The following NRXN3 variants were observed in gnomAD, a reference collection of about 807,000 sequenced individuals.
NRXN3 encodes the protein neurexin 3.
Under a neutral mutation model 137.6 loss-of-function variants are expected in NRXN3, and 32 were observed. The ratio of observed to expected loss-of-function variants is 0.23; its 90% CI spans 0.18 to 0.31. NRXN3 has a LOEUF of 0.31. Ranked by LOEUF, NRXN3 falls within the 10% of genes least tolerant of loss-of-function variation. The pLI is 1.00. For missense variants in NRXN3, 1,574 were observed against 2,062.5 expected (o/e 0.76, Z 4.59); for synonymous variants, 798 against 784.5 (o/e 1.02, Z -0.29).
chr14:79,757,707 G>A (rs535107050), intron 19 of NRXN3, among the ~76,000 whole-genome samples: 1 of 152,142 alleles, frequency 6.6e-6, no homozygotes, highest in Non-Finnish European at 1.5e-5. Flanking sequence ...CTGCCGCTAA[G>A]CTGTAGTATG....
chr14:78,365,616 A>G (rs770358020), intron 4 of NRXN3, among the ~76,000 whole-genome samples: 1 of 152,244 alleles, frequency 6.6e-6, no homozygotes, highest in Non-Finnish European at 1.5e-5. Context: ...CAGTAGGTAA[A>G]GAAAAACTGT....
intron 15 of NRXN3, among the ~76,000 whole-genome samples, chr14:79,055,276 T>C (rs986335652): frequency 6.6e-6 from 1 of 152,230 alleles, no homozygotes; most frequent in African/African-American, 2.4e-5. Flanking sequence ...CAGTTGTTAT[T>C]CATTGAACAC....
intron 15 of NRXN3, among the ~76,000 whole-genome samples, chr14:79,070,928 G>A (rs1176578933): frequency 1.3e-5 from 2 of 152,158 alleles, no homozygotes; most frequent in African/African-American, 4.8e-5. Context: ...TGTAGTTTGG[G>A]TCGCAGTTTA....
At chr14:78,776,504 T>C (rs1475001872) in intron 8 of NRXN3, among the ~76,000 whole-genome samples, 3 of 152,188 alleles carry the variant, frequency 2.0e-5, no homozygotes, top group Non-Finnish European at 4.4e-5. Context: ...TATAGGTCAG[T>C]GTGGCATTAT....
At chr14:79,279,973 G>C in intron 15 of NRXN3, 1 of 1,153,140 alleles carries the variant, frequency 8.7e-7, no homozygotes, top group Non-Finnish European at 1.1e-6. Context: ...TCCGGAGGAA[G>C]CCGCGCCGGT....
chr14:78,640,307 T>C (rs564337189), intron 4 of NRXN3, among the ~76,000 whole-genome samples: 48 of 152,226 alleles, frequency 3.2e-4, no homozygotes, highest in Non-Finnish European at 6.2e-4. Context: ...ATGCAATCTC[T>C]TAAAAATACA....
chr14:79,590,913 A>C (rs2097797536), intron 16 of NRXN3, among the ~76,000 whole-genome samples: 3 of 152,162 alleles, frequency 2.0e-5, no homozygotes, highest in Admixed American at 6.5e-5. Flanking sequence ...GCTGTCTCTC[A>C]AGCCCTACCA....
chr14:79,750,546 A>G (rs1189818142), intron 19 of NRXN3, among the ~76,000 whole-genome samples: 3 of 152,138 alleles, frequency 2.0e-5, no homozygotes, highest in African/African-American at 4.8e-5. Context: ...ATTCATCTGT[A>G]ATCAAATCTG....
chr14:78,419,644 C>T (rs563578872), intron 4 of NRXN3, among the ~76,000 whole-genome samples: 3 of 152,252 alleles, frequency 2.0e-5, no homozygotes, highest in African/African-American at 4.8e-5. Flanking sequence ...GCAAAGACCA[C>T]GTGGCAATTA....
intron 16 of NRXN3, among the ~76,000 whole-genome samples, chr14:79,615,652 C>A (rs2098145782): frequency 6.6e-6 from 1 of 152,120 alleles, no homozygotes; most frequent in Non-Finnish European, 1.5e-5. Context: ...TCCTTCTTCA[C>A]ATGGCAGCAG....
intron 19 of NRXN3, among the ~76,000 whole-genome samples, chr14:79,801,245 T>A (rs2099179098): frequency 5.3e-5 from 8 of 152,204 alleles, no homozygotes; most frequent in Admixed American, 5.2e-4. Context: ...TGAGAACAGA[T>A]CACCTTTGAA....
At chr14:78,604,261 TG>T (rs1048218216) in intron 4 of NRXN3, among the ~76,000 whole-genome samples, 1 of 151,628 alleles carries the variant, frequency 6.6e-6, no homozygotes, top group African/African-American at 2.4e-5. Context: ...GAGATTTGGG[TG>T]GGGACACAGC....
At chr14:79,092,873 GTC>G (rs1460351526) in intron 15 of NRXN3, among the ~76,000 whole-genome samples, 1 of 152,100 alleles carries the variant, frequency 6.6e-6, no homozygotes, top group Admixed American at 6.6e-5. Flanking sequence ...CTTCCCCAAA[GTC>G]TCTGCCCAAC....
intron 4 of NRXN3, among the ~76,000 whole-genome samples, chr14:78,461,387 G>A (rs2094916740): frequency 6.6e-6 from 1 of 152,162 alleles, no homozygotes; most frequent in Admixed American, 6.5e-5. Context: ...GAGTGTCTTG[G>A]TGTCTTGGTG....
intron 19 of NRXN3, among the ~76,000 whole-genome samples, chr14:79,765,382 C>A (rs141535173): frequency 6.6e-6 from 1 of 152,174 alleles, no homozygotes; most frequent in African/African-American, 2.4e-5. Flanking sequence ...TTCAATGGAA[C>A]AATTTTTCTT....
chr14:78,351,164 T>C (rs2083436359), intron 4 of NRXN3, among the ~76,000 whole-genome samples: 1 of 152,200 alleles, frequency 6.6e-6, no homozygotes, highest in African/African-American at 2.4e-5. Flanking sequence ...TGCAAATTGT[T>C]CTACATAGTG....
At chr14:78,403,482 A>G (rs1304955769) in intron 4 of NRXN3, among the ~76,000 whole-genome samples, 2 of 152,332 alleles carry the variant, frequency 1.3e-5, no homozygotes, top group Non-Finnish European at 2.9e-5. Context: ...TAGGTTTGGC[A>G]TGACACAATC....
At chr14:78,621,746 T>C (rs1430395559) in intron 4 of NRXN3, among the ~76,000 whole-genome samples, 1 of 152,212 alleles carries the variant, frequency 6.6e-6, no homozygotes. Context: ...TGTGTTTCGG[T>C]TGATGTATTT....
intron 16 of NRXN3, among the ~76,000 whole-genome samples, chr14:79,470,951 AGTGTGTGTGT>A (rs371413883): frequency 0.23 from 26,469 of 116,062 alleles, 2,087 homozygotes; most frequent in Admixed American, 0.24. Flanking sequence ...AGAGAGAGAG[AGTGTGTGTGT>A]GTGTGTGTGT....
Sources: gnomAD v4.1 joint callset for allele counts (sites outside exome capture counted in the v4.1 genomes callset) on GRCh38, gnomAD v4.1.1 for gene constraint, MANE v1.5 for transcripts, NCBI Gene and HGNC (gene_info 2026-07-23, HGNC 2026-07-21) for gene names.